Variants in CUBN observed in about 807,000 individuals in gnomAD.
CUBN encodes 460 kDa receptor.
Under a neutral mutation model 405.3 loss-of-function variants are expected in CUBN, and 282 were observed. That is an observed-to-expected ratio of 0.70 (90% CI 0.63 to 0.77). The LOEUF is 0.77. Ranked by LOEUF, CUBN falls within the 30% of genes least tolerant of loss-of-function variation. The pLI, the probability that CUBN is intolerant of heterozygous loss-of-function variation, is 0.00. For synonymous variants in CUBN, 1,684 were observed against 1,617.0 expected, an observed-to-expected ratio of 1.04 and a Z score of -0.99; for missense variants, 4,514 against 4,475.2, an observed-to-expected ratio of 1.01 and a Z score of -0.25.
intron 14 of CUBN, among the ~76,000 whole-genome samples, chr10:17,091,812 G>A (rs1836265438): frequency 2.0e-5 from 3 of 152,174 alleles, no homozygotes; most frequent in Non-Finnish European, 1.5e-5. Context: ...CAAACAACAT[G>A]ACAAATGGCA....
intron 54 of CUBN, among the ~76,000 whole-genome samples, chr10:16,898,196 T>G (rs1841250212): frequency 6.6e-6 from 1 of 152,022 alleles, no homozygotes; most frequent in Admixed American, 6.6e-5. Context: ...AAAAGCCACT[T>G]TGACTCATCA....
chr10:17,114,654 A>C (rs1199684176), intron 7 of CUBN, among the ~76,000 whole-genome samples: 2 of 152,180 alleles, frequency 1.3e-5, no homozygotes, highest in East Asian at 3.9e-4. Flanking sequence ...AATACAACTA[A>C]AAATAAAGAA....
chr10:16,842,671 ACTGC>A (rs1195733635), intron 60 of CUBN, among the ~76,000 whole-genome samples: 15 of 152,282 alleles, frequency 9.9e-5, no homozygotes, highest in African/African-American at 3.6e-4. Context: ...TCTCCACTGA[ACTGC>A]CTGCATGTCT....
At chr10:16,935,879 CAAAA>C (rs369098280) in intron 39 of CUBN, among the ~76,000 whole-genome samples, 1 of 71,416 alleles carries the variant, frequency 1.4e-5, no homozygotes. Context: ...GACTCCATCT[CAAAA>C]AAAAAAAAAA....
chr10:16,889,418 A>G (rs1002396619), intron 55 of CUBN, among the ~76,000 whole-genome samples: 3 of 152,194 alleles, frequency 2.0e-5, no homozygotes, highest in African/African-American at 7.2e-5. Context: ...GCTACACTTG[A>G]TTTAACTCAG....
intron 31 of CUBN, among the ~76,000 whole-genome samples, chr10:16,970,128 G>C (rs61841470): frequency 0.026 from 3,982 of 152,284 alleles, 72 homozygotes; most frequent in Middle Eastern, 0.051. Context: ...GGCAGTGTCT[G>C]GTACATATTT....
chr10:17,084,595 G>A, intron 16 of CUBN, 134 bp from the exon 17 acceptor site: 1 of 768,994 alleles, frequency 1.3e-6, no homozygotes, highest in Non-Finnish European at 2.2e-6. Context: ...ACCCTCTATA[G>A]GCTTGTGCCT....
chr10:16,910,078 CTCTT>C (rs913734534), intron 48 of CUBN, among the ~76,000 whole-genome samples: 1 of 151,804 alleles, frequency 6.6e-6, no homozygotes, highest in Non-Finnish European at 1.5e-5. Flanking sequence ...TTCTTCTTTT[CTCTT>C]TCTCCCTCTC....
At chr10:17,101,725 C>T (rs182188302) in intron 13 of CUBN, among the ~76,000 whole-genome samples, 120 of 152,230 alleles carry the variant, frequency 7.9e-4, no homozygotes, top group Non-Finnish European at 4.1e-4. Flanking sequence ...AGAGCGTTCA[C>T]GGAGCGGCTC....
At chr10:16,847,919 G>A (rs1037472809) in intron 60 of CUBN, among the ~76,000 whole-genome samples, 21 of 152,014 alleles carry the variant, frequency 1.4e-4, no homozygotes, top group Admixed American at 3.3e-4. Flanking sequence ...GGAATCAACC[G>A]TCCCATTTAT....
intron 14 of CUBN, among the ~76,000 whole-genome samples, chr10:17,095,036 T>C (rs371705025): frequency 1.5e-4 from 23 of 152,166 alleles, no homozygotes; most frequent in African/African-American, 5.1e-4. Context: ...CAAAACAGTA[T>C]GGTATTGGCA....
chr10:16,907,754 GC>G, intron 48 of CUBN, 75 bp from the exon 49 acceptor site: 1 of 1,499,116 alleles, frequency 6.7e-7, no homozygotes, highest in Non-Finnish European at 9.2e-7. Flanking sequence ...GATATTTCCA[GC>G]CCAGACCCAC....
chr10:17,081,899 A>G (rs999335319), intron 17 of CUBN, among the ~76,000 whole-genome samples: 3 of 152,216 alleles, frequency 2.0e-5, no homozygotes, highest in Middle Eastern at 3.2e-3. Context: ...GGTCAAAGAT[A>G]TAATATAAAA....
intron 22 of CUBN, among the ~76,000 whole-genome samples, chr10:17,064,303 G>T (rs1168965211): frequency 6.6e-6 from 1 of 152,190 alleles, no homozygotes; most frequent in African/African-American, 2.4e-5. Context: ...AAGAGTAGTG[G>T]CCAGCCCCTC....
intron 28 of CUBN, among the ~76,000 whole-genome samples, chr10:16,998,293 T>G (rs1588564967): frequency 6.6e-6 from 1 of 152,166 alleles, no homozygotes; most frequent in African/African-American, 2.4e-5. Context: ...CCAATATTCT[T>G]GGTATCCTTA....
Position 16,890,471 on chromosome 10 carries a change from G to A in CUBN, c.8655C>T (p.Asn2885=), listed in dbSNP as rs369599232. 167 of 1,613,972 alleles carry A rather than the reference G, an allele frequency of 1.0e-4. No individual in the cohort carries two copies. Among genetic ancestry groups the A allele is most frequent in the Non-Finnish European group, 1.3e-4 (158 of 1,179,980 alleles). The change falls in exon 55 of 67, where the codon AAC becomes AAT. Residue 2885 remains asparagine, a synonymous_variant. Coordinates refer to ENST00000377833, the MANE Select transcript of CUBN (RefSeq NM_001081.4). Reference sequence around the variant, plus strand: ...GTGTGATAACGGGACCCGGAGCCACGTTCCCACAGCCAGTGGCTAGCAGGG... The same window carrying A: ...GTGTGATAACGGGACCCGGAGCCACATTCCCACAGCCAGTGGCTAGCAGGG... The part of the protein sequence containing the change: ...DKALLATGCG[N]VAPGPVITPS...
intron 57 of CUBN, among the ~76,000 whole-genome samples, chr10:16,876,627 G>A (rs771245950): frequency 2.0e-5 from 3 of 152,126 alleles, no homozygotes; most frequent in Admixed American, 2.0e-4. Flanking sequence ...AAAAATAGCA[G>A]TAGTATTTAT....
intron 31 of CUBN, among the ~76,000 whole-genome samples, chr10:16,958,956 A>G (rs113978453): frequency 3.9e-5 from 6 of 152,226 alleles, no homozygotes; most frequent in Non-Finnish European, 7.3e-5. Flanking sequence ...CTCTGCTTCA[A>G]GGTGGTACCT....
Position 16,954,385 on chromosome 10 carries a change from T to C in CUBN, c.4855+4A>G, listed in dbSNP as rs1231184181. 4.3e-6 allele frequency: 7 copies of C among 1,614,100 alleles called. No homozygotes were observed. Among genetic ancestry groups the C allele is most frequent in the East Asian group, 2.2e-5 (1 of 44,884 alleles). ...GTGCCTGGGAAGATCCACAGGGTAC[T>C]TGCCTTGCCTGAATTGAGCTCGGAA... On this transcript the variant is annotated splice_donor_region_variant and intron_variant, in intron 32 of 66. Coordinates refer to ENST00000377833, the MANE Select transcript of CUBN (RefSeq NM_001081.4).
Sources: allele counts gnomAD v4.1 joint callset (sites outside exome capture counted in the v4.1 genomes callset), GRCh38; gene constraint gnomAD v4.1.1; transcripts MANE v1.5; gene names NCBI Gene and HGNC (gene_info 2026-07-23, HGNC 2026-07-21).